NR2F1-AS1: variants seen among roughly 807,000 people sequenced by gnomAD.
The protein encoded by NR2F1-AS1 is NR2F1 antisense RNA 1.
chr5:93,508,342 C>T (rs551787967), intron 4 of NR2F1-AS1, among the ~76,000 whole-genome samples: 2 of 151,936 alleles, frequency 1.3e-5, no homozygotes, highest in Admixed American at 1.3e-4. Context: ...ATTGTTGGTA[C>T]GCTATATTAG....
intron 4 of NR2F1-AS1, among the ~76,000 whole-genome samples, chr5:93,522,994 G>A (rs943375562): frequency 1.3e-5 from 2 of 151,874 alleles, no homozygotes; most frequent in African/African-American, 2.4e-5. Flanking sequence ...ACACCAGTGA[G>A]AGAGAACTGT....
chr5:93,484,771 T>A (rs1459326940), intron 4 of NR2F1-AS1, among the ~76,000 whole-genome samples: 7 of 99,034 alleles, frequency 7.1e-5, no homozygotes, highest in African/African-American at 1.4e-4. Context: ...ACCAAGCAAA[T>A]GGAAAGCAAA....
chr5:93,419,505 G>A (rs1749041816), intron 4 of NR2F1-AS1, among the ~76,000 whole-genome samples: 1 of 152,174 alleles, frequency 6.6e-6, no homozygotes, highest in Non-Finnish European at 1.5e-5. Context: ...ACTATAGTGT[G>A]TGAAGACAGT....
At chr5:93,412,476 A>G (rs1748877072) in intron 4 of NR2F1-AS1, among the ~76,000 whole-genome samples, 1 of 152,232 alleles carries the variant, frequency 6.6e-6, no homozygotes, top group Non-Finnish European at 1.5e-5. Context: ...ACTTCAGCCC[A>G]GAAGATGGTG....
intron 4 of NR2F1-AS1, chr5:93,543,127 A>T (rs1178652536): frequency 2.0e-5 from 3 of 152,230 alleles, no homozygotes; most frequent in Non-Finnish European, 2.9e-5. Context: ...CCTCGGCAAA[A>T]GCAAATGCAA....
Position 93,429,514 on chromosome 5 carries a change from GGGA to G in NR2F1-AS1, n.639-33975_639-33973del, listed in dbSNP as rs1303303600. ...TCTTCTAGTTGAAAGGAAATTTCAA[GGGA>G]GGAGGGATGTGGAAAAACACATTTA... On this transcript the variant is annotated intron_variant and non_coding_transcript_variant, in intron 4 of 5. Transcript: ENST00000660523. Among the ~76,000 whole-genome samples, 4 of 152,302 alleles carry G rather than the reference GGGA, an allele frequency of 2.6e-5. No individual in the cohort carries two copies. In the South Asian group the frequency reaches 6.2e-4, roughly 24 times the overall value.
At chr5:93,501,651 G>A (rs761233501) in intron 4 of NR2F1-AS1, among the ~76,000 whole-genome samples, 3 of 152,098 alleles carry the variant, frequency 2.0e-5, no homozygotes, top group Admixed American at 6.6e-5. Flanking sequence ...ACCATACCCT[G>A]CCAAAAGTGG....
At chr5:93,529,271 C>T (rs901968153) in intron 4 of NR2F1-AS1, among the ~76,000 whole-genome samples, 1 of 152,070 alleles carries the variant, frequency 6.6e-6, no homozygotes, top group African/African-American at 2.4e-5. Flanking sequence ...ATGGGGCTCA[C>T]CAAAATTACT....
intron 4 of NR2F1-AS1, among the ~76,000 whole-genome samples, chr5:93,421,274 GT>G (rs1749082657): frequency 6.6e-6 from 1 of 151,412 alleles, no homozygotes; most frequent in Admixed American, 6.6e-5. Flanking sequence ...ATGTTTCTGT[GT>G]TTCCACTGAT....
intron 4 of NR2F1-AS1, among the ~76,000 whole-genome samples, chr5:93,495,812 T>C (rs1750948501): frequency 6.6e-6 from 1 of 152,050 alleles, no homozygotes. Flanking sequence ...TAAAATTAGA[T>C]GTCCACTAAC....
At chr5:93,499,988 T>C (rs755217572) in intron 4 of NR2F1-AS1, among the ~76,000 whole-genome samples, 16 of 152,130 alleles carry the variant, frequency 1.1e-4, no homozygotes, top group Admixed American at 2.0e-4. Context: ...GAAAGAAAGA[T>C]TGGGAGCTAG....
intron 4 of NR2F1-AS1, among the ~76,000 whole-genome samples, chr5:93,469,500 CAT>C: frequency 6.6e-6 from 1 of 152,048 alleles, no homozygotes; most frequent in East Asian, 1.9e-4. Flanking sequence ...AGAACCCGGT[CAT>C]AGGAAAAACC....
intron 4 of NR2F1-AS1, among the ~76,000 whole-genome samples, chr5:93,469,421 T>C (rs1288769944): frequency 6.6e-6 from 1 of 152,140 alleles, no homozygotes; most frequent in Non-Finnish European, 1.5e-5. Flanking sequence ...ATGTGGTCCA[T>C]CATTGACTGA....
intron 4 of NR2F1-AS1, among the ~76,000 whole-genome samples, chr5:93,482,279 G>T (rs1314340568): frequency 6.6e-6 from 1 of 152,104 alleles, no homozygotes; most frequent in South Asian, 2.1e-4. Flanking sequence ...CAGGTTAGAC[G>T]GTGGGTGCAG....
At chr5:93,545,921 C>T (rs1441269564) in intron 4 of NR2F1-AS1, among the ~76,000 whole-genome samples, 1 of 152,174 alleles carries the variant, frequency 6.6e-6, no homozygotes, top group Non-Finnish European at 1.5e-5. Context: ...TCTCTTTACA[C>T]AGACAAGAGG....
chr5:93,509,248 T>C (rs1289210159), intron 4 of NR2F1-AS1, among the ~76,000 whole-genome samples: 1 of 152,110 alleles, frequency 6.6e-6, no homozygotes, highest in Non-Finnish European at 1.5e-5. Context: ...ATATGATTTA[T>C]GTTAAGTTTA....
intron 4 of NR2F1-AS1, among the ~76,000 whole-genome samples, chr5:93,429,799 A>T (rs1459965844): frequency 6.6e-6 from 1 of 152,188 alleles, no homozygotes; most frequent in Admixed American, 6.5e-5. Context: ...ATTTTCTATC[A>T]TCTCTGTTCC....
intron 4 of NR2F1-AS1, among the ~76,000 whole-genome samples, chr5:93,521,515 A>G (rs552533509): frequency 2.6e-5 from 4 of 152,316 alleles, no homozygotes; most frequent in African/African-American, 7.2e-5. Flanking sequence ...CAAATTTGCA[A>G]GAGAAAAACA....
intron 4 of NR2F1-AS1, among the ~76,000 whole-genome samples, chr5:93,520,558 T>C (rs1355792959): frequency 6.6e-6 from 1 of 152,128 alleles, no homozygotes; most frequent in Non-Finnish European, 1.5e-5. Flanking sequence ...AATTAGAAAG[T>C]ATTTAATCTA....
Sources: allele counts gnomAD v4.1 joint callset (sites outside exome capture counted in the v4.1 genomes callset), GRCh38; gene constraint gnomAD v4.1.1; transcripts MANE v1.5; gene names NCBI Gene and HGNC (gene_info 2026-07-23, HGNC 2026-07-21).